Variants in TACC1 observed in about 807,000 individuals in gnomAD.
TACC1 encodes the protein transforming acidic coiled-coil-containing protein 1.
In TACC1, 48 loss-of-function variants were observed where a neutral mutation model predicts 84.4. The observed-to-expected ratio is 0.57, with a 90% confidence interval of 0.45 to 0.72. The LOEUF is 0.72. Among genes scored for constraint, TACC1 ranks in the 30% least tolerant of loss-of-function variants. The pLI, the probability that TACC1 is intolerant of heterozygous loss-of-function variation, is 0.00. For synonymous variants in TACC1, 372 were observed against 376.3 expected, an observed-to-expected ratio of 0.99 and a Z score of 0.13; for missense variants, 920 against 973.0, an observed-to-expected ratio of 0.95 and a Z score of 0.72.
intron 3 of TACC1, among the ~76,000 whole-genome samples, chr8:38,822,870 G>A (rs917794200): frequency 1.2e-4 from 19 of 152,220 alleles, no homozygotes; most frequent in Admixed American, 9.8e-4. Context: ...GACCACCATC[G>A]TATGCATGAC....
intron 9 of TACC1, among the ~76,000 whole-genome samples, chr8:38,841,814 C>T (rs1189052858): frequency 6.6e-6 from 1 of 152,150 alleles, no homozygotes; most frequent in Non-Finnish European, 1.5e-5. Flanking sequence ...GATTGATCCT[C>T]CTGCATGGAA....
intron 2 of TACC1, among the ~76,000 whole-genome samples, chr8:38,811,161 A>T (rs1327136998): frequency 6.6e-6 from 1 of 151,958 alleles, no homozygotes; most frequent in Non-Finnish European, 1.5e-5. Context: ...TATGTTTAAA[A>T]TTTTTTTGAA....
chr8:38,759,500 G>A (rs150329814), intron 3 of TACC1, among the ~76,000 whole-genome samples: 10 of 152,294 alleles, frequency 6.6e-5, no homozygotes, highest in Non-Finnish European at 1.5e-4. Context: ...CAGTGGCTTG[G>A]CAGCCTACTT....
chr8:38,766,212 C>G (rs1162310152), intron 3 of TACC1, among the ~76,000 whole-genome samples: 1 of 152,172 alleles, frequency 6.6e-6, no homozygotes, highest in African/African-American at 2.4e-5. Flanking sequence ...TTGCTTCATT[C>G]CCAGAACACT....
At chr8:38,769,902 G>T (rs1004533832) in intron 3 of TACC1, among the ~76,000 whole-genome samples, 23 of 150,494 alleles carry the variant, frequency 1.5e-4, no homozygotes, top group African/African-American at 5.4e-4. Flanking sequence ...GGGTGAGGGT[G>T]TGTGGTGTGT....
At chr8:38,757,942 CT>C (rs1181670296) in intron 3 of TACC1, among the ~76,000 whole-genome samples, 1 of 152,102 alleles carries the variant, frequency 6.6e-6, no homozygotes, top group Non-Finnish European at 1.5e-5. Flanking sequence ...AGCAATTAGG[CT>C]TTTGTTCTGG....
intron 1 of TACC1, among the ~76,000 whole-genome samples, chr8:38,733,655 G>A (rs1805405264): frequency 6.6e-6 from 1 of 152,050 alleles, no homozygotes; most frequent in Non-Finnish European, 1.5e-5. Flanking sequence ...GGCAGCAGTA[G>A]GAAGCGGGTG....
At chr8:38,823,817 C>G (rs1827417242) in intron 3 of TACC1, among the ~76,000 whole-genome samples, 1 of 152,210 alleles carries the variant, frequency 6.6e-6, no homozygotes. Context: ...TCATCATTCA[C>G]TCACTGGTGA....
rs1587973972 is a variant in TACC1 at position 38,819,922 on chromosome 8, A to T, written c.678A>T (p.Arg226Ser). Residue 226 changes from arginine (R) to serine (S), a missense_variant, in exon 3 of 13, where the codon AGA (arginine) becomes AGT (serine). Transcript: ENST00000317827. The part of the protein sequence containing the change: ...GNSCPELVPS[R>S]RSKLRKPKPV... ...CCTGTCCAGAGCTTGTGCCCAGCAGAAGAAGCAAGCTGAGAAAGCCCAAGC... is the reference window on the plus strand; with the variant it reads ...CCTGTCCAGAGCTTGTGCCCAGCAGTAGAAGCAAGCTGAGAAAGCCCAAGC... 4 of 1,614,030 alleles carry T rather than the reference A, an allele frequency of 2.5e-6. No homozygotes were observed. Among genetic ancestry groups the T allele is most frequent in the East Asian group, 4.5e-5 (2 of 44,896 alleles).
At chr8:38,729,959 C>T (rs1274192805) in intron 1 of TACC1, among the ~76,000 whole-genome samples, 1 of 152,176 alleles carries the variant, frequency 6.6e-6, no homozygotes, top group East Asian at 1.9e-4. Context: ...TGGAGTTCAG[C>T]GTGGAGCCTG....
chr8:38,729,867 AAAAAAGAAAAG>A (rs143080358), intron 1 of TACC1, among the ~76,000 whole-genome samples: 15,115 of 152,012 alleles, frequency 0.099, 799 homozygotes, highest in South Asian at 0.14. Flanking sequence ...AGACTGTCTC[AAAAAAGAAAAG>A]AAAAAGAAAA....
intron 2 of TACC1, among the ~76,000 whole-genome samples, chr8:38,813,299 A>G (rs766001666): frequency 3.3e-5 from 5 of 152,226 alleles, no homozygotes; most frequent in Non-Finnish European, 7.3e-5. Context: ...GTGATCAAGG[A>G]GACTACAAGA....
chr8:38,750,398 G>A lies in TACC1; in HGVS notation c.26+4905G>A, dbSNP rs574256320. Among the ~76,000 whole-genome samples the A allele has an allele frequency of 7.2e-5, 11 of 152,286 alleles. No homozygotes were observed. The East Asian group carries it at 1.9e-3, about 27-fold the overall frequency. Reference sequence around the variant, plus strand: ...AAAATCAATGCTTTCTACCTAAGACGAGGTAGAGGGCAAGGATGTTGGCTC... The same window carrying A: ...AAAATCAATGCTTTCTACCTAAGACAAGGTAGAGGGCAAGGATGTTGGCTC... On this transcript the variant is annotated intron_variant, in intron 3 of 14. Transcript: ENST00000518415.
chr8:38,789,874 T>C (rs1189432742), intron 2 of TACC1, among the ~76,000 whole-genome samples: 1 of 152,126 alleles, frequency 6.6e-6, no homozygotes, highest in Non-Finnish European at 1.5e-5. Context: ...CAGGAGGAGC[T>C]GAAGTCAGCG....
chr8:38,843,297 A>G lies in TACC1; in HGVS notation c.2130A>G (p.Glu710=). The part of the protein sequence containing the change: ...GVLEGFKKNE[E]ALKKCAQDYL... Reference sequence around the variant, plus strand: ...TTTTTGCTTTGGAACAGAATGAAGAAGCCTTGAAGAAATGTGCTCAGGATT... The same window carrying G: ...TTTTTGCTTTGGAACAGAATGAAGAGGCCTTGAAGAAATGTGCTCAGGATT... The change falls in exon 11 of 13, where the codon GAA becomes GAG. Residue 710 remains glutamate, a synonymous_variant. Coordinates refer to ENST00000317827, the MANE Select transcript of TACC1 (RefSeq NM_006283.3). The G allele has an allele frequency of 6.3e-7, 1 of 1,591,920 alleles. No individual in the cohort carries two copies.
chr8:38,813,378 A>G (rs1353277640), intron 2 of TACC1, among the ~76,000 whole-genome samples: 2 of 152,166 alleles, frequency 1.3e-5, no homozygotes, highest in Non-Finnish European at 2.9e-5. Context: ...GTTTCGACAG[A>G]TTTGGTAAAA....
At chr8:38,742,324 C>G (rs1807230179) in intron 1 of TACC1, 1 of 1,046,888 alleles carries the variant, frequency 9.6e-7, no homozygotes, top group South Asian at 2.1e-5. Context: ...AAGCATGTGA[C>G]TCCCACCTGA....
intron 2 of TACC1, among the ~76,000 whole-genome samples, chr8:38,743,564 A>G (rs1053323082): frequency 4.6e-5 from 7 of 152,186 alleles, no homozygotes; most frequent in African/African-American, 1.7e-4. Context: ...GGCTGCCAAG[A>G]AATACAGTTC....
At chr8:38,796,063 C>T (rs1819892931) in intron 2 of TACC1, among the ~76,000 whole-genome samples, 1 of 152,200 alleles carries the variant, frequency 6.6e-6, no homozygotes, top group Admixed American at 6.5e-5. Flanking sequence ...ACAATATTCC[C>T]ACCTAGCAGA....
Sources: gnomAD v4.1 joint callset for allele counts (sites outside exome capture counted in the v4.1 genomes callset) on GRCh38, gnomAD v4.1.1 for gene constraint, MANE v1.5 for transcripts, NCBI Gene and HGNC (gene_info 2026-07-23, HGNC 2026-07-21) for gene names.